Variants in SEMA3A observed in about 807,000 individuals in gnomAD.
SEMA3A encodes the protein semaphorin 3A.
A neutral mutation model predicts 97.9 loss-of-function variants in SEMA3A; 29 were observed. That is an observed-to-expected ratio of 0.30 (90% CI 0.22 to 0.40). The LOEUF is 0.40. Among genes scored for constraint, SEMA3A ranks in the 10% least tolerant of loss-of-function variants. The pLI, the probability that SEMA3A is intolerant of heterozygous loss-of-function variation, is 1.00. For missense variants in SEMA3A, 763 were observed against 951.3 expected, an observed-to-expected ratio of 0.80 and a Z score of 2.60; for synonymous variants, 321 against 323.7, an observed-to-expected ratio of 0.99 and a Z score of 0.09.
At chr7:84,401,723 A>G (rs1329371623) in intron 1 of SEMA3A, among the ~76,000 whole-genome samples, 1 of 152,160 alleles carries the variant, frequency 6.6e-6, no homozygotes, top group African/African-American at 2.4e-5. Flanking sequence ...AAGCCAAATG[A>G]TTTTTCAGAA....
intron 6 of SEMA3A, among the ~76,000 whole-genome samples, chr7:84,021,010 G>A (rs1425296203): frequency 1.3e-5 from 2 of 152,162 alleles, no homozygotes; most frequent in Non-Finnish European, 1.5e-5. Context: ...ACTCTGTCAG[G>A]ACAAAGGCTA....
In SEMA3A at chr7:84,201,425, GA is replaced by G. The variant is rs1798353705; in HGVS notation, c.-82-6758del. 4.0e-5 allele frequency among the ~76,000 whole-genome samples: 6 copies of G among 151,558 alleles called. 1 individual carries two copies. In the South Asian group the frequency reaches 6.2e-4, roughly 16 times the overall value. On this transcript the variant is annotated intron_variant, in intron 3 of 3. Coordinates refer to the SEMA3A transcript ENST00000424555. ...AGATTTCTGTAAGTTGCAATAGTTA[GA>G]AAAAAAATGACTTCAATTATTTTTA...
At chr7:84,393,363 A>G (rs1270142006) in intron 1 of SEMA3A, among the ~76,000 whole-genome samples, 4 of 152,060 alleles carry the variant, frequency 2.6e-5, no homozygotes, top group African/African-American at 9.7e-5. Flanking sequence ...AATGTGTGGA[A>G]TCCCAAAAAT....
chr7:84,072,543 G>A (rs1429262581), intron 4 of SEMA3A, among the ~76,000 whole-genome samples: 5 of 152,006 alleles, frequency 3.3e-5, no homozygotes, highest in Admixed American at 3.3e-4. Flanking sequence ...TTTTTGATAT[G>A]TTCACCTTGT....
rs78921228 is a variant in SEMA3A, at chr7:84,315,961, CT to C, written c.-168-8670del. On this transcript the variant is annotated intron_variant, in intron 2 of 3. Transcript: ENST00000424555. ...ATATTTTTTCTTTTTAAAATTCTGT[CT>C]TTCTTCCTCTAATTTTATTTTCTTT... Among the ~76,000 whole-genome samples the C allele has an allele frequency of 5.7e-3, 854 of 149,992 alleles. 36 individuals carry two copies. In the East Asian group the frequency reaches 0.11, roughly 19 times the overall value.
At chr7:84,319,789 A>T (rs1801602085) in intron 2 of SEMA3A, among the ~76,000 whole-genome samples, 1 of 152,112 alleles carries the variant, frequency 6.6e-6, no homozygotes, top group African/African-American at 2.4e-5. Flanking sequence ...CTTTCACTAG[A>T]TCCTCTTATT....
intron 1 of SEMA3A, among the ~76,000 whole-genome samples, chr7:84,458,215 T>G (rs1805734191): frequency 2.0e-5 from 3 of 152,062 alleles, no homozygotes; most frequent in Admixed American, 2.0e-4. Context: ...CAGGCAATGC[T>G]TCACGTTTAT....
intron 3 of SEMA3A, among the ~76,000 whole-genome samples, chr7:84,276,969 G>T (rs1800312756): frequency 1.3e-5 from 2 of 151,952 alleles, no homozygotes; most frequent in South Asian, 4.1e-4. Context: ...TGTTTTGTGG[G>T]TAAAGCATTA....
intron 12 of SEMA3A, among the ~76,000 whole-genome samples, chr7:83,990,525 C>T (rs543316091): frequency 1.4e-4 from 19 of 136,152 alleles, no homozygotes; most frequent in African/African-American, 4.9e-4. Context: ...CCAGTTTCAG[C>T]TTTCTACATA....
intron 1 of SEMA3A, among the ~76,000 whole-genome samples, chr7:84,460,716 T>C (rs1026614160): frequency 6.6e-6 from 1 of 152,222 alleles, no homozygotes; most frequent in Non-Finnish European, 1.5e-5. Flanking sequence ...CTTTATTATA[T>C]GCTTTGCTTT....
chr7:84,112,704 A>T (rs960390275), intron 3 of SEMA3A, among the ~76,000 whole-genome samples: 3 of 152,180 alleles, frequency 2.0e-5, no homozygotes, highest in Admixed American at 6.5e-5. Flanking sequence ...AAACTAGCAG[A>T]TTGTAATTAA....
intron 2 of SEMA3A, among the ~76,000 whole-genome samples, chr7:84,363,372 C>T (rs1345156670): frequency 6.6e-6 from 1 of 151,866 alleles, no homozygotes; most frequent in Admixed American, 6.6e-5. Context: ...CACTCTCGGA[C>T]ATTCGAAAAT....
In SEMA3A at chr7:83,957,897, T is replaced by C. The variant is rs1279796270; in HGVS notation, c.*3474A>G. On this transcript the variant is annotated 3_prime_UTR_variant, in exon 17 of 17. Coordinates refer to ENST00000265362, the MANE Select transcript of SEMA3A (RefSeq NM_006080.3). ...CTATTTAAGTCTGTCTTTGAAACCA[T>C]GAAACCTGATACAGTTTCATTAAAT... is the stretch of plus-strand genomic sequence containing the variant. The C allele has an allele frequency of 2.0e-5, 3 of 152,064 alleles. No homozygotes were observed. The highest frequency in any genetic ancestry group is 2.9e-5 in the Non-Finnish European group (2 of 67,960). The allele number at this position is 152,064 out of a possible 1,614,324, so 9.4% of individuals were successfully genotyped here.
chr7:84,470,175 G>A lies in SEMA3A; in HGVS notation c.-246+22285C>T, dbSNP rs189353022. On this transcript the variant is annotated intron_variant, in intron 1 of 3. Coordinates refer to the SEMA3A transcript ENST00000424555. ...TGTTAGGAGATTTCTTAAGTGCTTG[G>A]GATTCTACTATACTTATAATTTTAA... Among the ~76,000 whole-genome samples, 411 of 151,926 alleles carry A rather than the reference G, an allele frequency of 2.7e-3. 3 individuals carry two copies. The highest frequency in any genetic ancestry group is 4.4e-3 in the Non-Finnish European group (300 of 67,874).
intron 1 of SEMA3A, among the ~76,000 whole-genome samples, chr7:84,407,427 A>G (rs1804125622): frequency 6.6e-6 from 1 of 152,154 alleles, no homozygotes; most frequent in African/African-American, 2.4e-5. Flanking sequence ...TTCCATGCTC[A>G]TGGGTAGGAA....
At chr7:84,111,307 CTAAG>C in intron 3 of SEMA3A, among the ~76,000 whole-genome samples, 1 of 152,258 alleles carries the variant, frequency 6.6e-6, no homozygotes, top group Admixed American at 6.5e-5. Flanking sequence ...CCTGGCACTT[CTAAG>C]TGTGTCACAC....
chr7:84,378,384 A>G (rs900003801), intron 1 of SEMA3A, among the ~76,000 whole-genome samples: 2 of 152,176 alleles, frequency 1.3e-5, no homozygotes, highest in African/African-American at 4.8e-5. Context: ...CAGTCATAAA[A>G]AAGAATGAGT....
intron 1 of SEMA3A, among the ~76,000 whole-genome samples, chr7:84,147,631 A>G (rs1796501727): frequency 6.6e-6 from 1 of 152,174 alleles, no homozygotes. Context: ...GATTTGTCTG[A>G]CAACAGGTGC....
chr7:84,359,823 A>G (rs1366438963), intron 2 of SEMA3A, among the ~76,000 whole-genome samples: 1 of 151,970 alleles, frequency 6.6e-6, no homozygotes. Context: ...AGAGCCTGTT[A>G]TTGGTCTATT....
Sources: allele counts gnomAD v4.1 joint callset (sites outside exome capture counted in the v4.1 genomes callset), GRCh38; gene constraint gnomAD v4.1.1; transcripts MANE v1.5; gene names NCBI Gene and HGNC (gene_info 2026-07-23, HGNC 2026-07-21).